The following NACC2 variants were observed in gnomAD, a reference collection of about 807,000 sequenced individuals.
NACC2 encodes nucleus accumbens-associated protein 2.
In NACC2, 8 loss-of-function variants were observed where a neutral mutation model predicts 25.1. The observed-to-expected ratio is 0.32, with a 90% CI of 0.19 to 0.57. NACC2 has a LOEUF of 0.57. NACC2 is among the 20% of genes least tolerant of loss of function. NACC2 has a pLI of 0.89. For synonymous variants in NACC2, 435 were observed against 294.7 expected (o/e 1.48, Z -4.88); for missense variants, 644 against 650.2 (o/e 0.99, Z 0.10).
chr9:136,088,218 G>GCGTCC (rs1361607399), intron 1 of NACC2, among the ~76,000 whole-genome samples: 6 of 152,182 alleles, frequency 3.9e-5, no homozygotes, highest in Non-Finnish European at 8.8e-5. Flanking sequence ...CCCTTCCAGT[G>GCGTCC]GGACGGAGCC....
At chr9:136,063,389 G>A (rs558303847) in intron 1 of NACC2, among the ~76,000 whole-genome samples, 1 of 152,278 alleles carries the variant, frequency 6.6e-6, no homozygotes, top group African/African-American at 2.4e-5. Context: ...TTCAATCCAG[G>A]AAAGAGGTCA....
chr9:136,067,127 G>A (rs1420628738), intron 1 of NACC2, among the ~76,000 whole-genome samples: 1 of 152,078 alleles, frequency 6.6e-6, no homozygotes, highest in East Asian at 1.9e-4. Flanking sequence ...GGTGGTTCAT[G>A]CCTGTAATCC....
chr9:136,041,375 G>A (rs1033780018), intron 2 of NACC2, among the ~76,000 whole-genome samples: 12 of 151,092 alleles, frequency 7.9e-5, no homozygotes, highest in African/African-American at 2.4e-4. Flanking sequence ...AGCCGAGATC[G>A]CACCACTGCA....
rs995128721 is a variant in NACC2 at position 136,085,502 on chromosome 9, C to CA, written c.-60+9686dup. Among the ~76,000 whole-genome samples, 1,214 of 133,220 alleles carry CA rather than the reference C, an allele frequency of 9.1e-3. 19 individuals are homozygous for CA. The highest frequency in any genetic ancestry group is 0.028 in the African/African-American group (1,020 of 36,488). 87.4% of individuals were successfully genotyped at this position (133,220 alleles called of 152,430 possible). ...AGCCTGGGCGACAGAGCAAGACTCT[C>CA]AAAAAAAAAAAAAGTTTTTAATTAA... On this transcript the variant is annotated intron_variant, in intron 1 of 5. Coordinates refer to ENST00000277554, the MANE Select transcript of NACC2 (RefSeq NM_144653.5).
intron 1 of NACC2, among the ~76,000 whole-genome samples, chr9:136,058,533 T>G (rs1341732657): frequency 6.6e-6 from 1 of 152,142 alleles, no homozygotes; most frequent in Non-Finnish European, 1.5e-5. Flanking sequence ...GATGGGATGT[T>G]GGATACACAC....
intron 1 of NACC2, among the ~76,000 whole-genome samples, chr9:136,083,359 G>C (rs67775385): frequency 0.05 from 4,953 of 98,588 alleles, 124 homozygotes; most frequent in Admixed American, 0.11. Context: ...AGGCTGGGTT[G>C]GGGGGGAGGC....
chr9:136,082,586 C>T (rs1000281676), intron 1 of NACC2, among the ~76,000 whole-genome samples: 2 of 152,210 alleles, frequency 1.3e-5, no homozygotes, highest in Admixed American at 1.3e-4. Flanking sequence ...CAGGTAGAGC[C>T]GAGGCGTCTT....
rs181752503 is a variant in NACC2 at position 136,011,743 on chromosome 9, C to T, written c.1537G>A (p.Ala513Thr). 177 of 1,539,916 alleles carry T rather than the reference C, an allele frequency of 1.1e-4. No individual in the cohort carries two copies. The African/African-American group carries it at 1.7e-3, about 15-fold the overall frequency. The stretch of plus-strand genomic sequence containing the variant: ...GCGGCACTCAGGTCAACATTCACGG[C>T]GTCAGTTCTCAGAGCCACGATGGTG... ...AATIVALRTD[A>T]VNVDLSAAAN... The change falls in exon 6 of 6, where the codon GCC (alanine) becomes ACC (threonine). Residue 513 changes from alanine (A) to threonine (T), a missense_variant. Transcript: ENST00000277554.
At chr9:136,048,164 T>C (rs1050201974) in intron 2 of NACC2, among the ~76,000 whole-genome samples, 12 of 152,206 alleles carry the variant, frequency 7.9e-5, no homozygotes, top group Non-Finnish European at 1.3e-4. Flanking sequence ...TGTCTGGGGT[T>C]CTGCCCTGGG....
rs776105952 is a variant in NACC2, at chr9:136,011,880, C to A, written c.1400G>T (p.Arg467Leu). ...GGCGGCGGCGGAGCCCATGACCGTG[C>A]GGTACATCTCCACGCCCTCCGGCAG... ...SMLPEGVEMYRTVMGSAAASV... is the reference protein window; with the variant it reads ...SMLPEGVEMYLTVMGSAAASV... Residue 467 changes from arginine (R) to leucine (L), a missense_variant, in exon 6 of 6, where the codon CGC becomes CTC. By Grantham distance (102) the Arg-to-Leu change is moderately radical. Coordinates refer to ENST00000277554, the MANE Select transcript of NACC2 (RefSeq NM_144653.5). The A allele has an allele frequency of 6.4e-7, 1 of 1,570,948 alleles. No homozygotes were observed. Among genetic ancestry groups the A allele is most frequent in the African/African-American group, 1.4e-5 (1 of 73,838 alleles).
intron 2 of NACC2, among the ~76,000 whole-genome samples, chr9:136,041,603 C>T (rs1474807739): frequency 3.9e-5 from 6 of 152,010 alleles, no homozygotes; most frequent in Admixed American, 6.5e-5. Flanking sequence ...GAAGGGAATA[C>T]GGGGAAATAG....
chr9:136,053,133 G>T (rs1840872950), intron 1 of NACC2, among the ~76,000 whole-genome samples: 1 of 152,212 alleles, frequency 6.6e-6, no homozygotes, highest in African/African-American at 2.4e-5. Flanking sequence ...TGCGGAGGAG[G>T]CCCGAACAGG....
At chr9:136,034,262 T>C (rs943700933) in intron 2 of NACC2, among the ~76,000 whole-genome samples, 3,251 of 152,252 alleles carry the variant, frequency 0.021, 105 homozygotes, top group African/African-American at 0.068. Flanking sequence ...TTTTGAGCCC[T>C]GGATCACAGC....
At chr9:136,031,597 C>G (rs565882583) in intron 2 of NACC2, among the ~76,000 whole-genome samples, 4 of 152,318 alleles carry the variant, frequency 2.6e-5, no homozygotes, top group African/African-American at 7.2e-5. Flanking sequence ...CTCGGCCTCC[C>G]AAAGTGCTAG....
intron 2 of NACC2, among the ~76,000 whole-genome samples, chr9:136,025,386 A>T (rs1399766194): frequency 6.6e-6 from 1 of 152,186 alleles, no homozygotes. Context: ...AATGATAGAA[A>T]ACTATTTCAC....
intron 1 of NACC2, among the ~76,000 whole-genome samples, chr9:136,070,455 C>T (rs573863648): frequency 5.3e-5 from 8 of 151,770 alleles, no homozygotes; most frequent in African/African-American, 1.9e-4. Context: ...TGCAGTGAGC[C>T]GAGATCGCGC....
chr9:136,065,876 T>C (rs1489869373), intron 1 of NACC2, among the ~76,000 whole-genome samples: 2 of 151,268 alleles, frequency 1.3e-5, no homozygotes, highest in African/African-American at 4.9e-5. Context: ...TTAAAAATCT[T>C]GTGCTTCAAA....
At chr9:136,093,047 T>A (rs939179477) in intron 1 of NACC2, among the ~76,000 whole-genome samples, 3 of 152,118 alleles carry the variant, frequency 2.0e-5, no homozygotes, top group Non-Finnish European at 4.4e-5. Flanking sequence ...CGGTGCCCTG[T>A]GCGTTCCAGG....
At chr9:136,095,150 G>A (rs1287956392) in intron 1 of NACC2, 39 bp downstream of exon 1, 10 of 146,882 alleles carry the variant, frequency 6.8e-5, no homozygotes, top group Admixed American at 3.4e-4. Context: ...GCCCGGCGGC[G>A]TAACCCGGGG....
Sources: gnomAD v4.1 joint callset for allele counts (sites outside exome capture counted in the v4.1 genomes callset) on GRCh38, gnomAD v4.1.1 for gene constraint, MANE v1.5 for transcripts, NCBI Gene and HGNC (gene_info 2026-07-23, HGNC 2026-07-21) for gene names.